Variants in CGAS observed in about 807,000 individuals in gnomAD.
CGAS encodes cyclic GMP-AMP synthase.
CGAS carries 31 observed loss-of-function variants against 34.0 expected under a neutral mutation model. The ratio of observed to expected loss-of-function variants is 0.91; its 90% CI spans 0.69 to 1.23. The LOEUF (loss-of-function observed/expected upper bound fraction) is 1.23. CGAS is among the 50% of genes most tolerant of loss of function. The pLI is 0.00. For synonymous variants in CGAS, 266 were observed against 260.0 expected (o/e 1.02, Z -0.22); for missense variants, 597 against 657.6 (o/e 0.91, Z 1.01).
intron 2 of CGAS, among the ~76,000 whole-genome samples, chr6:73,441,606 A>C (rs1278538275): frequency 6.6e-6 from 1 of 152,118 alleles, no homozygotes; most frequent in Non-Finnish European, 1.5e-5. Flanking sequence ...GGCCAAGCTG[A>C]ACTTCATGAG....
At chr6:73,429,548 T>C (rs552774434) in intron 3 of CGAS, among the ~76,000 whole-genome samples, 8 of 151,664 alleles carry the variant, frequency 5.3e-5, no homozygotes, top group Non-Finnish European at 7.4e-5. Flanking sequence ...TGATTTCACC[T>C]GGGCGCGGTG....
chr6:73,441,064 TTTTTTCTTTTTC>T (rs201805571), intron 2 of CGAS, among the ~76,000 whole-genome samples: 1 of 151,508 alleles, frequency 6.6e-6, no homozygotes, highest in African/African-American at 2.4e-5. Flanking sequence ...TTTTCTTTTC[TTTTTTCTTTTTC>T]TTTTTCTTTT....
intron 3 of CGAS, among the ~76,000 whole-genome samples, chr6:73,438,480 G>A (rs978989102): frequency 2.6e-5 from 4 of 152,148 alleles, no homozygotes; most frequent in Middle Eastern, 3.4e-3. Context: ...GGTGGATCAC[G>A]AGGTCAAGAG....
At chr6:73,442,683 C>G (rs1174804582) in intron 2 of CGAS, among the ~76,000 whole-genome samples, 1 of 149,004 alleles carries the variant, frequency 6.7e-6, no homozygotes, top group Non-Finnish European at 1.5e-5. Context: ...ACTGCAACCT[C>G]TGTCTCCCAG....
At chr6:73,426,678 C>A (rs1330004486) in intron 4 of CGAS, among the ~76,000 whole-genome samples, 1 of 151,750 alleles carries the variant, frequency 6.6e-6, no homozygotes. Flanking sequence ...TATTGAACTG[C>A]AAATTTAATA....
intron 2 of CGAS, among the ~76,000 whole-genome samples, chr6:73,443,998 T>C (rs1770426627): frequency 6.6e-6 from 1 of 152,200 alleles, no homozygotes; most frequent in Non-Finnish European, 1.5e-5. Context: ...TTAGATTTCA[T>C]TTTATTTTTG....
rs1561933159 is a variant in CGAS at position 73,451,979 on chromosome 6, G to C, written c.203C>G (p.Thr68Ser). 1 of 1,481,484 alleles carries C rather than the reference G, an allele frequency of 6.7e-7. No individual in the cohort carries two copies. The highest frequency in any genetic ancestry group is 9.0e-7 in the Non-Finnish European group (1 of 1,114,402). The allele number at this position is 1,481,484 out of a possible 1,614,324, so 91.8% of individuals were successfully genotyped here. Residue 68 changes from threonine to serine, a missense_variant, in exon 1 of 5, where the codon ACC (threonine) becomes AGC (serine). By Grantham distance (58) the Thr-to-Ser change is moderately conservative (BLOSUM62 1). This residue lies in a region of CGAS where 321 missense variants were observed against 314.3 expected (regional missense o/e 1.02). Coordinates refer to ENST00000370315, the MANE Select transcript of CGAS (RefSeq NM_138441.3). ...GSRQKKSAPD[T>S]QERPPVRATG... ...TGCGCGGACGGGCGGCCTCTCCTGG[G>C]TGTCCGGGGCGCTCTTTTTCTGCCG... is the stretch of plus-strand genomic sequence containing the variant.
intron 4 of CGAS, among the ~76,000 whole-genome samples, chr6:73,426,417 G>A (rs1770089841): frequency 6.6e-6 from 1 of 150,966 alleles, no homozygotes; most frequent in African/African-American, 2.4e-5. Flanking sequence ...TCAAATATAT[G>A]GTTTGAAGTT....
chr6:73,450,057 G>A (rs1270339558), intron 1 of CGAS, among the ~76,000 whole-genome samples: 2 of 150,240 alleles, frequency 1.3e-5, no homozygotes, highest in African/African-American at 4.9e-5. Flanking sequence ...GAGAGAGAGA[G>A]GAAGAGAGGG....
chr6:73,435,888 C>T (rs1486426002), intron 3 of CGAS, among the ~76,000 whole-genome samples: 2 of 151,666 alleles, frequency 1.3e-5, no homozygotes, highest in Non-Finnish European at 2.9e-5. Flanking sequence ...GTTCAATCTA[C>T]CTTTTTCAAA....
chr6:73,443,599 C>G (rs1209273006), intron 2 of CGAS, among the ~76,000 whole-genome samples: 1 of 152,196 alleles, frequency 6.6e-6, no homozygotes, highest in South Asian at 2.1e-4. Context: ...ACTTCCCCCC[C>G]ACCTCCATCT....
intron 1 of CGAS, among the ~76,000 whole-genome samples, chr6:73,448,721 C>G (rs888406029): frequency 1.3e-5 from 2 of 152,262 alleles, no homozygotes; most frequent in African/African-American, 4.8e-5. Context: ...ACTCCCGCCT[C>G]AGCCTCCCAT....
In CGAS at chr6:73,425,436, G is replaced by A. The variant is rs759563628; in HGVS notation, c.1360C>T (p.Gln454Ter). 2.5e-6 allele frequency: 4 copies of A among 1,614,026 alleles called. No individual in the cohort carries two copies. The highest frequency in any genetic ancestry group is 3.3e-5 in the Admixed American group (2 of 59,984). Reference protein sequence around the residue: ...HVCTQNPQDSQWDRKDLGLCF... With the variant: ...HVCTQNPQDS ...AGGCCCAGGTCTTTGCGGTCCCACT[G>A]ACTGTCTTGAGGGTTCTGGGTACAT... Residue 454 changes from glutamine (Q) to a stop codon, truncating the protein, a stop_gained, in exon 5 of 5, where the codon CAG becomes TAG. Coordinates refer to ENST00000370315, the MANE Select transcript of CGAS (RefSeq NM_138441.3). LOFTEE classifies it low-confidence loss of function (END_TRUNC).
At position 73,438,853 on chromosome 6, in the gene CGAS, T is replaced by C. The variant is rs117411527; in HGVS notation, c.1114+1356A>G. Among the ~76,000 whole-genome samples the C allele has an allele frequency of 2.1e-3, 319 of 152,278 alleles. 2 individuals are homozygous for C. The highest frequency in any genetic ancestry group is 3.7e-3 in the Non-Finnish European group (250 of 68,014). On this transcript the variant is annotated intron_variant, in intron 3 of 4. Transcript: ENST00000370315. ...GTCCTGTTGCAATTTTTGTATCACT[T>C]ACAGTGAGGGTTTCCTGGGGCAGCT...
At chr6:73,440,097 G>T in intron 3 of CGAS, 112 bp downstream of exon 3, 2 of 977,910 alleles carry the variant, frequency 2.0e-6, no homozygotes, top group Non-Finnish European at 3.0e-6. Flanking sequence ...TATTTTGCCT[G>T]ATGGCTCTTG....
At chr6:73,447,582 C>G (rs942114113) in intron 1 of CGAS, among the ~76,000 whole-genome samples, 10 of 152,032 alleles carry the variant, frequency 6.6e-5, no homozygotes, top group Non-Finnish European at 1.2e-4. Flanking sequence ...CATGCCTGGC[C>G]AAAGTTTTCA....
chr6:73,450,335 A>G (rs1385194751), intron 1 of CGAS, among the ~76,000 whole-genome samples: 1 of 151,772 alleles, frequency 6.6e-6, no homozygotes, highest in Non-Finnish European at 1.5e-5. Flanking sequence ...GAATCGCTTG[A>G]ACCTGGGAGG....
rs1770589370 is a variant in CGAS at position 73,452,231 on chromosome 6, CG to C, written c.-51del. ...AGAAGAATCCGTTTCAGGAAAAGGC[CG>C]CAAGAGGAAGAGCCAGCAGCAGCTG... On this transcript the variant is annotated 5_prime_UTR_variant, in exon 1 of 5. Coordinates refer to ENST00000370315, the MANE Select transcript of CGAS (RefSeq NM_138441.3). 1.3e-6 allele frequency: 2 copies of C among 1,537,562 alleles called. No individual in the cohort carries two copies. The highest frequency in any genetic ancestry group is 8.8e-7 in the Non-Finnish European group (1 of 1,142,354).
At chr6:73,428,223 C>CA (rs939893499) in intron 4 of CGAS, among the ~76,000 whole-genome samples, 223 of 144,430 alleles carry the variant, frequency 1.5e-3, no homozygotes, top group African/African-American at 4.9e-3. Context: ...AAGTCTGTCT[C>CA]AAAAAAAAAA....
Sources: allele counts gnomAD v4.1 joint callset (sites outside exome capture counted in the v4.1 genomes callset), GRCh38; gene constraint gnomAD v4.1.1; regional missense constraint gnomAD v4.1.1; transcripts MANE v1.5; gene names NCBI Gene and HGNC (gene_info 2026-07-23, HGNC 2026-07-21).